The following KCNQ1 variants were observed in gnomAD, a reference collection of about 807,000 sequenced individuals.
KCNQ1 encodes the protein potassium voltage-gated channel subfamily KQT member 1.
Under a neutral mutation model 72.4 loss-of-function variants are expected in KCNQ1, and 49 were observed. That is an observed-to-expected ratio of 0.68 (90% CI 0.54 to 0.86). The LOEUF (loss-of-function observed/expected upper bound fraction) is 0.86, where lower values mean the gene tolerates loss of function less well. Among genes scored for constraint, KCNQ1 ranks in the 40% least tolerant of loss-of-function variants. The pLI is 0.00. For missense variants in KCNQ1, 790 were observed against 945.1 expected (o/e 0.84, Z 2.15); for synonymous variants, 450 against 412.6 (o/e 1.09, Z -1.10).
chr11:2,662,669 C>G (rs888444744), intron 11 of KCNQ1: 4 of 405,076 alleles, frequency 9.9e-6, no homozygotes, highest in African/African-American at 8.2e-5. Flanking sequence ...CATGTGACTC[C>G]CCGCTGGGGT....
rs1847306750 is a variant in KCNQ1, at chr11:2,803,165, C to CA, written c.1794+25129dup. ...GAAAACCCAGCCGGGCCCCCCCCCC[C>CA]ACGGGCACCCAGGAACCGCCCTGGC... On this transcript the variant is annotated intron_variant, in intron 15 of 15. Transcript: ENST00000155840. The surrounding 1 kb of genome is among the most constrained non-coding windows in gnomAD (Gnocchi z 6.4). Among the ~76,000 whole-genome samples the CA allele has an allele frequency of 2.0e-5, 3 of 151,928 alleles. No individual in the cohort carries two copies. The highest frequency in any genetic ancestry group is 7.3e-5 in the African/African-American group (3 of 41,208).
At chr11:2,706,775 C>T (rs778465570) in intron 11 of KCNQ1, among the ~76,000 whole-genome samples, 7 of 152,202 alleles carry the variant, frequency 4.6e-5, no homozygotes, top group Non-Finnish European at 1.0e-4. Flanking sequence ...AGAGTTTGAA[C>T]TCTGCCCACC....
chr11:2,605,200 A>C (rs557471223), intron 10 of KCNQ1, among the ~76,000 whole-genome samples: 10 of 152,354 alleles, frequency 6.6e-5, no homozygotes, highest in Non-Finnish European at 1.2e-4. Flanking sequence ...GTCCCCTATC[A>C]GATAGATTAT....
intron 1 of KCNQ1, among the ~76,000 whole-genome samples, chr11:2,448,073 A>G (rs1295998111): frequency 1.3e-5 from 2 of 152,210 alleles, no homozygotes; most frequent in East Asian, 3.8e-4. Context: ...CACTGGGGGC[A>G]GCTCCCATCT....
In KCNQ1 at chr11:2,612,282, G is replaced by C; in HGVS notation, c.1393+23428G>C. ...CCTATTGTGAACTGAGCATGTGAGG[G>C]ATCTAGGTTGTGCACTCCGTATGAG... On this transcript the variant is annotated intron_variant, in intron 10 of 15. Transcript: ENST00000155840. The surrounding 1 kb of genome is among the most constrained non-coding windows in gnomAD (Gnocchi z 5.5). The C allele has an allele frequency of 7.5e-6, 3 of 398,580 alleles. No individual in the cohort carries two copies. The highest frequency in any genetic ancestry group is 8.8e-6 in the Non-Finnish European group (2 of 226,054). The allele number at this position is 398,580 out of a possible 1,614,324, so 24.7% of individuals were successfully genotyped here. A position where few individuals can be genotyped will look rare whatever the true frequency, so the allele number is the denominator to read the frequency against.
rs533066276 is a variant in KCNQ1, at chr11:2,504,393, G to T, written c.387-23535G>T. Among the ~76,000 whole-genome samples the T allele has an allele frequency of 2.6e-5, 4 of 152,196 alleles. No individual in the cohort carries two copies. In the East Asian group the frequency reaches 5.8e-4, roughly 22 times the overall value. On this transcript the variant is annotated intron_variant, in intron 1 of 15. Transcript: ENST00000155840. ...GGAAACAAAAAAAAAATAGAAAAAT[G>T]ATTAAAACCTGGTATTTGATAGCAC...
chr11:2,726,267 G>A (rs570956054), intron 11 of KCNQ1, among the ~76,000 whole-genome samples: 3 of 152,242 alleles, frequency 2.0e-5, no homozygotes, highest in Admixed American at 6.5e-5. Flanking sequence ...CAAGATGGGC[G>A]GGAGTCTTCA....
chr11:2,566,712 C>T lies in KCNQ1; in HGVS notation c.478-3916C>T, dbSNP rs78624998. Among the ~76,000 whole-genome samples, 821 of 152,238 alleles carry T rather than the reference C, an allele frequency of 5.4e-3. 4 individuals carry two copies. The highest frequency in any genetic ancestry group is 0.02 in the Middle Eastern group (6 of 294). ...TTCTTCTCGTATCTACGGGGCAGAG[C>T]TCAGGGCCGCACTCCATCAGCATCC... On this transcript the variant is annotated intron_variant, in intron 2 of 15. Coordinates refer to ENST00000155840, the MANE Select transcript of KCNQ1 (RefSeq NM_000218.3). This position sits in a 1 kb window ranked among gnomAD's most constrained non-coding sequence, Gnocchi z 6.7.
chr11:2,472,039 T>C (rs1846484014), intron 1 of KCNQ1, among the ~76,000 whole-genome samples: 1 of 150,068 alleles, frequency 6.7e-6, no homozygotes, highest in Admixed American at 6.6e-5. Flanking sequence ...TGTGTGTGTA[T>C]AGGTATGTAT....
chr11:2,847,990 A>T lies in KCNQ1; in HGVS notation c.2018A>T (p.Asp673Val). The change falls in exon 16 of 16, where the codon GAT becomes GTT. Residue 673 changes from aspartate (D) to valine (V), a missense_variant. Around this residue, in one of 5 missense-constraint regions of KCNQ1, gnomAD observed 94 missense variants for 85.2 expected, o/e 1.10. Coordinates refer to ENST00000155840, the MANE Select transcript of KCNQ1 (RefSeq NM_000218.3). The part of the protein sequence containing the change: ...EQLTVPRRGP[D>V]EGS ...CTGACCGTGCCCAGGAGGGGCCCCGATGAGGGGTCCTGAGGAGGGGATGGG... is the reference window on the plus strand; with the variant it reads ...CTGACCGTGCCCAGGAGGGGCCCCGTTGAGGGGTCCTGAGGAGGGGATGGG... 1.3e-6 allele frequency: 2 copies of T among 1,546,076 alleles called. No individual in the cohort carries two copies. Among genetic ancestry groups the T allele is most frequent in the Non-Finnish European group, 1.7e-6 (2 of 1,143,352 alleles).
Position 2,745,311 on chromosome 11 carries a change from T to C in KCNQ1, c.1515-23533T>C, listed in dbSNP as rs548889045. Among the ~76,000 whole-genome samples the C allele has an allele frequency of 1.3e-5, 2 of 152,318 alleles. No homozygotes were observed. Among genetic ancestry groups the C allele is most frequent in the South Asian group, 4.1e-4 (2 of 4,828 alleles). ...CTCTCTGCATTGAGTCAGGCCCTCT[T>C]GGACCTCTGTTGCCATCTTTTCCTG... On this transcript the variant is annotated intron_variant, in intron 11 of 15. Transcript: ENST00000155840. This position sits in a 1 kb window ranked among gnomAD's most constrained non-coding sequence, Gnocchi z 6.2.
At chr11:2,460,635 T>G (rs987577339) in intron 1 of KCNQ1, among the ~76,000 whole-genome samples, 10 of 152,290 alleles carry the variant, frequency 6.6e-5, no homozygotes, top group Admixed American at 6.5e-4. Context: ...ACCGCAAATT[T>G]GCATGGGCCC....
At chr11:2,522,709 C>T (rs1847409532) in intron 1 of KCNQ1, among the ~76,000 whole-genome samples, 1 of 152,242 alleles carries the variant, frequency 6.6e-6, no homozygotes, top group Non-Finnish European at 1.5e-5. Flanking sequence ...GCCAGCCTGG[C>T]CCATGGGCAC....
chr11:2,584,470 TATGTTA>T (rs1286248589), intron 7 of KCNQ1, among the ~76,000 whole-genome samples: 1 of 151,836 alleles, frequency 6.6e-6, no homozygotes, highest in East Asian at 1.9e-4. Flanking sequence ...TATGTTAGTG[TATGTTA>T]GTGTTAGTGT....
At chr11:2,454,108 AAAATAT>A (rs1846151611) in intron 1 of KCNQ1, among the ~76,000 whole-genome samples, 1 of 151,898 alleles carries the variant, frequency 6.6e-6, no homozygotes, top group African/African-American at 2.4e-5. Context: ...ACAGTGAATA[AAAATAT>A]AGCAGCTATT....
rs561300816 is a variant in KCNQ1 at position 2,542,380 on chromosome 11, G to A, written c.477+14362G>A. ...TGCCCACCAAAGGCGCGCTAATTGC[G>A]AAGGAGGGGCCTCAGCCAGGAACCG... On this transcript the variant is annotated intron_variant, in intron 2 of 15. Transcript: ENST00000155840. 3.7e-4 allele frequency among the ~76,000 whole-genome samples: 57 copies of A among 152,354 alleles called. No individual in the cohort carries two copies. The South Asian group carries it at 4.3e-3, about 12-fold the overall frequency.
Position 2,664,127 on chromosome 11 carries a change from A to G in KCNQ1, c.1514+2046A>G. Reference sequence around the variant, plus strand: ...TACCCAACCAGGTCCCTGCCCTGTAACTTACCAAGGCCTCTCTCAGAGCAG... The same window carrying G: ...TACCCAACCAGGTCCCTGCCCTGTAGCTTACCAAGGCCTCTCTCAGAGCAG... On this transcript the variant is annotated intron_variant, in intron 11 of 15. Transcript: ENST00000155840. This position sits in a 1 kb window ranked among gnomAD's most constrained non-coding sequence, Gnocchi z 5.1. 1 of 398,696 alleles carries G rather than the reference A, an allele frequency of 2.5e-6. No homozygotes were observed. Among genetic ancestry groups the G allele is most frequent in the Non-Finnish European group, 4.4e-6 (1 of 226,132 alleles). 24.7% of individuals were successfully genotyped at this position (398,696 alleles called of 1,614,324 possible).
intron 1 of KCNQ1, among the ~76,000 whole-genome samples, chr11:2,469,795 T>C (rs913657371): frequency 2.0e-5 from 3 of 152,018 alleles, no homozygotes; most frequent in Non-Finnish European, 4.4e-5. Context: ...TGCCTCAGCC[T>C]CCCGAGTAGC....
intron 1 of KCNQ1, 73 bp from the exon 2 acceptor site, chr11:2,527,855 C>T (rs886447885): frequency 2.3e-5 from 32 of 1,381,390 alleles, no homozygotes; most frequent in Middle Eastern, 3.5e-4. Context: ...GGCCAGGGGC[C>T]CCTCCACTCC....
Sources: allele counts gnomAD v4.1 joint callset (sites outside exome capture counted in the v4.1 genomes callset), GRCh38; gene constraint gnomAD v4.1.1; regional missense constraint gnomAD v4.1.1; non-coding constraint Gnocchi (gnomAD v3.1); transcripts MANE v1.5; gene names NCBI Gene and HGNC (gene_info 2026-07-23, HGNC 2026-07-21).